MTNAP1: variants seen among roughly 807,000 people sequenced by gnomAD.
MTNAP1 encodes mitochondrial nucleoid associated protein 1.
chr17:73,248,430 G>T, the MTNAP1 span: 1 of 1,364,888 alleles, frequency 7.3e-7, no homozygotes, highest in Non-Finnish European at 1.0e-6. Flanking sequence ...CAGAAGGAGG[G>T]GGTAAAAGTC....
chr17:73,238,054 C>G, the MTNAP1 span, among the ~76,000 whole-genome samples: 2 of 152,182 alleles, frequency 1.3e-5, no homozygotes. Flanking sequence ...GATTATGAAT[C>G]AAACTTCAGA....
the MTNAP1 span, chr17:73,236,251 C>G: frequency 6.2e-7 from 1 of 1,614,150 alleles, no homozygotes; most frequent in African/African-American, 1.3e-5. Flanking sequence ...AGGCAGGGAT[C>G]ACCTCTCAGG....
At chr17:73,235,859 C>G in the MTNAP1 span, 2 of 1,614,116 alleles carry the variant, frequency 1.2e-6, no homozygotes, top group South Asian at 1.1e-5. Context: ...TTAAAAAATA[C>G]TAAACCAATG....
the MTNAP1 span, among the ~76,000 whole-genome samples, chr17:73,239,586 A>T: frequency 3.4e-5 from 5 of 148,642 alleles, no homozygotes. Flanking sequence ...TGGCACAATC[A>T]CGGCTCACTG....
chr17:73,242,973 C>T, the MTNAP1 span: 392 of 1,613,744 alleles, frequency 2.4e-4, 1 homozygote, highest in Non-Finnish European at 3.1e-4. Context: ...ATACTTCGTC[C>T]TGTGTTGTAG....
the MTNAP1 span, chr17:73,245,583 C>T: frequency 1.0e-6 from 1 of 985,384 alleles, no homozygotes; most frequent in Non-Finnish European, 1.2e-6. Flanking sequence ...AGACTACTAC[C>T]TATATGTTGA....
the MTNAP1 span, among the ~76,000 whole-genome samples, chr17:73,234,773 C>CTGTGTGTGTGTGTGTGTGTG: frequency 0.039 from 5,719 of 145,958 alleles, 150 homozygotes; most frequent in African/African-American, 0.065. Flanking sequence ...TTATGTATAT[C>CTGTGTGTGTGTGTGTGTGTG]TGTGTGTGTG....
the MTNAP1 span, chr17:73,236,152 CCT>C: frequency 4.3e-6 from 7 of 1,614,016 alleles, no homozygotes; most frequent in Non-Finnish European, 5.1e-6. Context: ...ACTAGATGTG[CCT>C]ACTGGTGATT....
At chr17:73,236,703 C>A in the MTNAP1 span, 33 of 1,614,042 alleles carry the variant, frequency 2.0e-5, no homozygotes, top group African/African-American at 2.5e-4. Flanking sequence ...TGGAGAGTCC[C>A]GAGGGACAGT....
chr17:73,242,831 T>TTC, the MTNAP1 span: 4 of 1,307,046 alleles, frequency 3.1e-6, no homozygotes, highest in African/African-American at 2.9e-5. Flanking sequence ...AAAACTTGAA[T>TTC]GACTCGCGGA....
At chr17:73,245,327 A>G in the MTNAP1 span, 33 of 1,396,228 alleles carry the variant, frequency 2.4e-5, no homozygotes, top group African/African-American at 4.2e-4. Flanking sequence ...AAAGAATAAA[A>G]TTATTGGAAT....
the MTNAP1 span, among the ~76,000 whole-genome samples, chr17:73,246,301 A>C: frequency 6.6e-6 from 1 of 152,142 alleles, no homozygotes; most frequent in Non-Finnish European, 1.5e-5. Context: ...TGGTAGGCCA[A>C]GGCGGGCGGA....
chr17:73,246,048 G>A, the MTNAP1 span, among the ~76,000 whole-genome samples: 1 of 152,008 alleles, frequency 6.6e-6, no homozygotes, highest in Non-Finnish European at 1.5e-5. Flanking sequence ...AGAGTAACTT[G>A]GATACTTACA....
chr17:73,235,573 A>T, the MTNAP1 span: 1 of 1,614,180 alleles, frequency 6.2e-7, no homozygotes, highest in South Asian at 1.1e-5. Context: ...CTGTAAGATG[A>T]TAGGACCAAC....
the MTNAP1 span, chr17:73,248,569 C>G: frequency 2.6e-6 from 4 of 1,549,824 alleles, no homozygotes; most frequent in Non-Finnish European, 3.5e-6. Flanking sequence ...GCGTGAGAAT[C>G]CATACACGTA....
chr17:73,236,441 C>G, the MTNAP1 span: 1 of 1,614,070 alleles, frequency 6.2e-7, no homozygotes, highest in South Asian at 1.1e-5. Flanking sequence ...ATGTCTGCAA[C>G]AGAAAAGCAG....
the MTNAP1 span, among the ~76,000 whole-genome samples, chr17:73,239,267 T>C: frequency 1.3e-5 from 2 of 151,902 alleles, no homozygotes; most frequent in Admixed American, 1.3e-4. Flanking sequence ...ATGCACACAC[T>C]CCCCCCATGA....
the MTNAP1 span, chr17:73,242,138 G>C: frequency 1.5e-6 from 1 of 653,480 alleles, no homozygotes. Flanking sequence ...CACCTGTTTA[G>C]AATATGCTCT....
At chr17:73,245,312 AAAAT>A in the MTNAP1 span, 73 of 1,421,164 alleles carry the variant, frequency 5.1e-5, no homozygotes, top group Non-Finnish European at 6.2e-5. Flanking sequence ...GGGAGTGAAA[AAAAT>A]AAAGAATAAA....
Sources: allele counts gnomAD v4.1 joint callset (sites outside exome capture counted in the v4.1 genomes callset), GRCh38; gene constraint gnomAD v4.1.1; transcripts MANE v1.5; gene names NCBI Gene and HGNC (gene_info 2026-07-23, HGNC 2026-07-21).